The following ERC1 variants were observed in gnomAD, a reference collection of about 807,000 sequenced individuals.
The protein encoded by ERC1 is RAB6 interacting protein 2.
ERC1 carries 56 observed loss-of-function variants against 132.0 expected under a neutral mutation model. That is an observed-to-expected ratio of 0.42 (90% confidence interval 0.34 to 0.53). ERC1 has a LOEUF of 0.53. Ranked by LOEUF, ERC1 falls within the 20% of genes least tolerant of loss-of-function variation. The pLI, the probability that ERC1 is intolerant of heterozygous loss-of-function variation, is 0.03. For synonymous variants in ERC1, 478 were observed against 476.1 expected (o/e 1.00, Z -0.05); for missense variants, 1,202 against 1,349.9 (o/e 0.89, Z 1.72).
chr12:1,360,551 G>A (rs1377531257), intron 15 of ERC1, among the ~76,000 whole-genome samples: 1 of 152,124 alleles, frequency 6.6e-6, no homozygotes, highest in African/African-American at 2.4e-5. Context: ...TTGTGCACAA[G>A]ACTTGGTGTC....
chr12:1,119,511 TTGTGTGTGTGTG>T (rs1180385226), intron 7 of ERC1, among the ~76,000 whole-genome samples: 3 of 138,844 alleles, frequency 2.2e-5, no homozygotes, highest in Non-Finnish European at 3.1e-5. Flanking sequence ...TACTTCTTCT[TTGTGTGTGTGTG>T]TGTGTGTGTG....
At chr12:1,074,572 A>C (rs1941029267) in intron 2 of ERC1, among the ~76,000 whole-genome samples, 1 of 152,208 alleles carries the variant, frequency 6.6e-6, no homozygotes, top group Admixed American at 6.5e-5. Context: ...CTGGGATTAC[A>C]GGCATGAGCC....
At chr12:1,449,679 T>A (rs532930069) in intron 18 of ERC1, among the ~76,000 whole-genome samples, 155 of 152,294 alleles carry the variant, frequency 1.0e-3, no homozygotes, top group Admixed American at 1.7e-3. Context: ...GCTGACACAC[T>A]ATGTCTTTCT....
chr12:1,243,436 A>G (rs2154308021), intron 13 of ERC1, among the ~76,000 whole-genome samples: 1 of 152,050 alleles, frequency 6.6e-6, no homozygotes, highest in African/African-American at 2.4e-5. Context: ...AACGTGAGAG[A>G]TACTGAGGTG....
In ERC1 at chr12:1,448,551, G is replaced by A. The variant is rs1332498525; in HGVS notation, c.3213+3801G>A. Among the ~76,000 whole-genome samples the A allele has an allele frequency of 2.6e-5, 4 of 152,334 alleles. No homozygotes were observed. In the East Asian group the frequency reaches 7.7e-4, roughly 29 times the overall value. On this transcript the variant is annotated intron_variant, in intron 18 of 18. Transcript: ENST00000360905. ...GAAGATGTGAGTCACTGCCAAATAT[G>A]CATATTGGTTTATTTTGTGTGCGTG...
chr12:1,152,535 A>G (rs1321850045), intron 8 of ERC1: 1 of 152,926 alleles, frequency 6.5e-6, no homozygotes, highest in African/African-American at 2.4e-5. Flanking sequence ...TTGTTGGGCA[A>G]TGTGTGAAGA....
chr12:1,134,726 A>G (rs1409993011), intron 7 of ERC1, among the ~76,000 whole-genome samples: 3 of 141,624 alleles, frequency 2.1e-5, no homozygotes, highest in Non-Finnish European at 4.6e-5. Flanking sequence ...GGTCCTCAGT[A>G]ACTTTTTTTT....
intron 12 of ERC1, among the ~76,000 whole-genome samples, chr12:1,197,561 G>T (rs931051843): frequency 6.6e-5 from 10 of 152,208 alleles, no homozygotes; most frequent in African/African-American, 2.4e-4. Flanking sequence ...TAACTGGCAT[G>T]TGGGTTGTTT....
At chr12:1,154,722 AT>A (rs1442438841) in intron 8 of ERC1, among the ~76,000 whole-genome samples, 12 of 152,272 alleles carry the variant, frequency 7.9e-5, no homozygotes, top group South Asian at 4.1e-4. Context: ...AGAAAAAAAA[AT>A]AATCCCATAA....
At chr12:1,096,633 T>C (rs1480983570) in intron 3 of ERC1, among the ~76,000 whole-genome samples, 1 of 152,210 alleles carries the variant, frequency 6.6e-6, no homozygotes, top group Non-Finnish European at 1.5e-5. Flanking sequence ...GAGATTATTA[T>C]GGCCTAAACT....
At chr12:1,252,628 G>A (rs552048870) in intron 13 of ERC1, among the ~76,000 whole-genome samples, 1 of 152,094 alleles carries the variant, frequency 6.6e-6, no homozygotes, top group East Asian at 1.9e-4. Context: ...TTTGACTTTG[G>A]TTTTTAACAA....
intron 13 of ERC1, among the ~76,000 whole-genome samples, chr12:1,259,102 ATG>A (rs1297033432): frequency 5.3e-5 from 8 of 152,178 alleles, no homozygotes; most frequent in Admixed American, 3.3e-4. Context: ...TATCAGAACT[ATG>A]TATTTTATAT....
intron 17 of ERC1, among the ~76,000 whole-genome samples, chr12:1,440,397 G>T (rs112427959): frequency 6.8e-6 from 1 of 147,470 alleles, no homozygotes; most frequent in South Asian, 2.1e-4. Context: ...TAGTAGAGAC[G>T]GGGTTTCACC....
At chr12:1,472,716 G>A (rs1490112533) in intron 18 of ERC1, among the ~76,000 whole-genome samples, 5 of 151,498 alleles carry the variant, frequency 3.3e-5, no homozygotes, top group East Asian at 1.9e-4. Context: ...AGGAAGGAAG[G>A]GAAGGAGGGA....
Position 1,225,467 on chromosome 12 carries a change from C to A in ERC1, c.2352-11302C>A, listed in dbSNP as rs898429988. 5.9e-5 allele frequency among the ~76,000 whole-genome samples: 9 copies of A among 151,462 alleles called. 1 individual carries two copies. Among genetic ancestry groups the A allele is most frequent in the African/African-American group, 9.7e-5 (4 of 41,224 alleles). The stretch of plus-strand genomic sequence containing the variant: ...TGTCTCTTACACACACACACACACA[C>A]ACACACACACACACACACACACACA... On this transcript the variant is annotated intron_variant, in intron 12 of 18. Coordinates refer to ENST00000360905, the MANE Select transcript of ERC1 (RefSeq NM_178040.4).
At chr12:1,440,029 A>G (rs2093059321) in intron 17 of ERC1, among the ~76,000 whole-genome samples, 2 of 152,186 alleles carry the variant, frequency 1.3e-5, no homozygotes, top group African/African-American at 4.8e-5. Flanking sequence ...TGCTTTCACA[A>G]TGATACATAT....
intron 15 of ERC1, among the ~76,000 whole-genome samples, chr12:1,352,276 G>A (rs2085072948): frequency 6.6e-6 from 1 of 152,138 alleles, no homozygotes; most frequent in African/African-American, 2.4e-5. Flanking sequence ...CACATAGAAG[G>A]CATTTAATAA....
At chr12:1,188,418 G>C (rs1366331149) in intron 11 of ERC1, among the ~76,000 whole-genome samples, 1 of 152,110 alleles carries the variant, frequency 6.6e-6, no homozygotes, top group Non-Finnish European at 1.5e-5. Flanking sequence ...GACTGCTACA[G>C]GAATTTCCCT....
At chr12:1,031,171 A>G (rs931927266) in intron 2 of ERC1, among the ~76,000 whole-genome samples, 5 of 152,208 alleles carry the variant, frequency 3.3e-5, no homozygotes, top group Non-Finnish European at 7.3e-5. Context: ...AAATAGCTCA[A>G]TTTTTCTGTT....
Sources: gnomAD v4.1 joint callset for allele counts (sites outside exome capture counted in the v4.1 genomes callset) on GRCh38, gnomAD v4.1.1 for gene constraint, MANE v1.5 for transcripts, NCBI Gene and HGNC (gene_info 2026-07-23, HGNC 2026-07-21) for gene names.